Variants in NRXN1 observed in about 807,000 individuals in gnomAD.
The protein encoded by NRXN1 is neurexin-1.
NRXN1 carries 39 observed loss-of-function variants against 150.9 expected under a neutral mutation model. The ratio of observed to expected loss-of-function variants is 0.26; its 90% CI spans 0.20 to 0.34. NRXN1 has a LOEUF of 0.34. Ranked by LOEUF, NRXN1 falls within the 10% of genes least tolerant of loss-of-function variation. NRXN1 has a pLI of 1.00. For missense variants in NRXN1, 1,815 were observed against 1,949.9 expected, an observed-to-expected ratio of 0.93 and a Z score of 1.30; for synonymous variants, 924 against 757.0, an observed-to-expected ratio of 1.22 and a Z score of -3.62.
At chr2:51,016,564 A>T (rs1575231946) in intron 2 of NRXN1, among the ~76,000 whole-genome samples, 1 of 152,224 alleles carries the variant, frequency 6.6e-6, no homozygotes, top group African/African-American at 2.4e-5. Flanking sequence ...ATACCATGTC[A>T]TAGCAGTTAG....
intron 17 of NRXN1, among the ~76,000 whole-genome samples, chr2:50,358,675 C>T (rs1284809556): frequency 6.6e-6 from 1 of 152,226 alleles, no homozygotes; most frequent in East Asian, 1.9e-4. Context: ...TTACCCACTC[C>T]TGCCTGCTGG....
chr2:50,429,542 C>A (rs1211281477), intron 17 of NRXN1, among the ~76,000 whole-genome samples: 2 of 151,752 alleles, frequency 1.3e-5, no homozygotes, highest in Non-Finnish European at 2.9e-5. Context: ...CAGGCATAAG[C>A]CAGTGCGCCA....
At chr2:50,393,321 G>A (rs1250532017) in intron 17 of NRXN1, among the ~76,000 whole-genome samples, 1 of 152,050 alleles carries the variant, frequency 6.6e-6, no homozygotes, top group African/African-American at 2.4e-5. Flanking sequence ...TAGACAAAGT[G>A]CATTTCTCAC....
At chr2:51,002,144 C>G (rs373500877) in intron 2 of NRXN1, among the ~76,000 whole-genome samples, 1 of 151,978 alleles carries the variant, frequency 6.6e-6, no homozygotes, top group Non-Finnish European at 1.5e-5. Context: ...ACAAAGGCCT[C>G]CATGTCAAGT....
At chr2:50,520,719 T>G (rs1050500614) in intron 12 of NRXN1, among the ~76,000 whole-genome samples, 6 of 152,014 alleles carry the variant, frequency 3.9e-5, no homozygotes, top group Non-Finnish European at 8.8e-5. Flanking sequence ...ATTTCTCAGT[T>G]GATTTATTAA....
chr2:50,226,481 G>C (rs934709508), intron 18 of NRXN1, among the ~76,000 whole-genome samples: 2 of 151,886 alleles, frequency 1.3e-5, no homozygotes, highest in African/African-American at 2.4e-5. Flanking sequence ...AAGAAAAGGA[G>C]GTAGAAGAGA....
At chr2:49,938,025 G>T (rs1275141773) in intron 22 of NRXN1, among the ~76,000 whole-genome samples, 1 of 152,062 alleles carries the variant, frequency 6.6e-6, no homozygotes, top group African/African-American at 2.4e-5. Flanking sequence ...AAAAACCACT[G>T]AAAATTGCAT....
chr2:50,428,365 T>C (rs1457255255), intron 17 of NRXN1, among the ~76,000 whole-genome samples: 2 of 152,102 alleles, frequency 1.3e-5, no homozygotes, highest in Non-Finnish European at 2.9e-5. Flanking sequence ...CTGTGAGCCA[T>C]GATTGTACCA....
At chr2:50,178,576 T>C (rs527491129) in intron 18 of NRXN1, among the ~76,000 whole-genome samples, 12 of 152,036 alleles carry the variant, frequency 7.9e-5, no homozygotes, top group Non-Finnish European at 1.5e-4. Context: ...TCAAAGGGAA[T>C]GCATTAGAAG....
chr2:50,703,769 A>G (rs1428700105), intron 5 of NRXN1, among the ~76,000 whole-genome samples: 2 of 152,186 alleles, frequency 1.3e-5, no homozygotes, highest in Non-Finnish European at 2.9e-5. Flanking sequence ...AACATGGATT[A>G]TAGATTACCC....
chr2:50,394,384 T>G (rs1178292674), intron 17 of NRXN1, among the ~76,000 whole-genome samples: 1 of 152,140 alleles, frequency 6.6e-6, no homozygotes, highest in Non-Finnish European at 1.5e-5. Context: ...ATAAAAGTCT[T>G]GATTTTCCAT....
At chr2:50,337,406 G>C (rs1019730175) in intron 17 of NRXN1, among the ~76,000 whole-genome samples, 17 of 152,024 alleles carry the variant, frequency 1.1e-4, no homozygotes, top group Admixed American at 1.0e-3. Flanking sequence ...CTTTCTAATT[G>C]GCCTGCTTGG....
chr2:50,429,720 T>C (rs1222472874), intron 17 of NRXN1, among the ~76,000 whole-genome samples: 1 of 152,154 alleles, frequency 6.6e-6, no homozygotes, highest in Non-Finnish European at 1.5e-5. Context: ...TATTACCTAA[T>C]ATTTGAGGCA....
At chr2:50,060,392 C>T (rs769702523) in intron 19 of NRXN1, among the ~76,000 whole-genome samples, 10 of 152,072 alleles carry the variant, frequency 6.6e-5, no homozygotes, top group Non-Finnish European at 1.3e-4. Context: ...TAGGAAGTAC[C>T]CACCTTGCTT....
intron 22 of NRXN1, among the ~76,000 whole-genome samples, chr2:49,942,583 C>A (rs936724965): frequency 1.4e-5 from 2 of 142,136 alleles, no homozygotes; most frequent in African/African-American, 5.2e-5. Flanking sequence ...TTTGTTAATG[C>A]AAACAATATT....
intron 17 of NRXN1, among the ~76,000 whole-genome samples, chr2:50,457,565 A>C (rs114223714): frequency 0.012 from 1,786 of 152,262 alleles, 35 homozygotes; most frequent in African/African-American, 0.039. Context: ...ATTAATCCAA[A>C]GAAAAAGTAA....
chr2:50,024,963 G>A (rs1019652080), intron 21 of NRXN1, among the ~76,000 whole-genome samples: 2 of 152,132 alleles, frequency 1.3e-5, no homozygotes, highest in African/African-American at 4.8e-5. Context: ...AAGGTTCTGG[G>A]CTAGCTGATG....
chr2:50,284,245 T>C (rs2071824472), intron 17 of NRXN1, among the ~76,000 whole-genome samples: 2 of 152,180 alleles, frequency 1.3e-5, no homozygotes, highest in South Asian at 4.1e-4. Flanking sequence ...GGTATTTCTC[T>C]TCATGTCTTA....
At chr2:50,068,393 A>T (rs1695693023) in intron 19 of NRXN1, among the ~76,000 whole-genome samples, 1 of 95,200 alleles carries the variant, frequency 1.1e-5, no homozygotes, top group South Asian at 3.2e-4. Flanking sequence ...TCCTAAAATA[A>T]CTTTCCCCTA....
Sources: gnomAD v4.1 joint callset for allele counts (sites outside exome capture counted in the v4.1 genomes callset) on GRCh38, gnomAD v4.1.1 for gene constraint, MANE v1.5 for transcripts, NCBI Gene and HGNC (gene_info 2026-07-23, HGNC 2026-07-21) for gene names.